Variants in MLF1 observed in about 807,000 individuals in gnomAD.
The protein encoded by MLF1 is myelodysplasia-myeloid leukemia factor 1.
A neutral mutation model predicts 38.3 loss-of-function variants in MLF1; 37 were observed. The ratio of observed to expected loss-of-function variants is 0.96; its 90% CI spans 0.74 to 1.27. The LOEUF (loss-of-function observed/expected upper bound fraction) is 1.27, where lower values mean the gene tolerates loss of function less well. Among genes scored for constraint, MLF1 ranks in the 50% most tolerant of loss-of-function variants. The pLI is 0.00. For synonymous variants in MLF1, 95 were observed against 106.5 expected, an observed-to-expected ratio of 0.89 and a Z score of 0.66; for missense variants, 331 against 349.2, an observed-to-expected ratio of 0.95 and a Z score of 0.42.
chr3:158,591,936 TAAC>T (rs1281952202), intron 1 of MLF1, among the ~76,000 whole-genome samples: 1 of 152,048 alleles, frequency 6.6e-6, no homozygotes, highest in Non-Finnish European at 1.5e-5. Context: ...CTTCTCAACT[TAAC>T]GATAAGATTA....
intron 6 of MLF1, 22 bp from the exon 7 acceptor site, chr3:158,602,785 A>G (rs1394320661): frequency 2.5e-6 from 4 of 1,610,810 alleles, no homozygotes; most frequent in East Asian, 2.2e-5. Context: ...ACTTATTCCC[A>G]TTATTTTTCT....
intron 1 of MLF1, among the ~76,000 whole-genome samples, chr3:158,590,524 A>T (rs1178319009): frequency 6.6e-6 from 1 of 152,254 alleles, no homozygotes; most frequent in Non-Finnish European, 1.5e-5. Flanking sequence ...CAGTTTTGTG[A>T]TTATGATACT....
chr3:158,604,226 T>C (rs1223555556), intron 7 of MLF1, among the ~76,000 whole-genome samples: 1 of 152,198 alleles, frequency 6.6e-6, no homozygotes, highest in African/African-American at 2.4e-5. Flanking sequence ...ATTTGAAAAA[T>C]GTATTGATTA....
chr3:158,590,991 A>C, intron 1 of MLF1: 1 of 422,734 alleles, frequency 2.4e-6, no homozygotes, highest in Non-Finnish European at 4.6e-6. Context: ...TTAACCTCCA[A>C]GGTAATGTGT....
At chr3:158,591,877 T>C (rs1718205255) in intron 1 of MLF1, among the ~76,000 whole-genome samples, 1 of 152,234 alleles carries the variant, frequency 6.6e-6, no homozygotes, top group Admixed American at 6.5e-5. Flanking sequence ...ATGAATTATA[T>C]TGGATAACAG....
intron 6 of MLF1, among the ~76,000 whole-genome samples, chr3:158,601,022 TATTA>T (rs1402940367): frequency 3.9e-5 from 6 of 151,976 alleles, no homozygotes; most frequent in South Asian, 4.1e-4. Context: ...TATTTAATTG[TATTA>T]ATTCAATAAT....
At chr3:158,604,949 C>A in intron 7 of MLF1, 148 bp from the exon 8 acceptor site, 4 of 623,362 alleles carry the variant, frequency 6.4e-6, no homozygotes, top group Non-Finnish European at 1.1e-5. Context: ...AGCCACCGCA[C>A]CTGGCCAGCC....
intron 1 of MLF1, among the ~76,000 whole-genome samples, chr3:158,582,450 C>T (rs758023638): frequency 1.1e-4 from 16 of 151,778 alleles, no homozygotes; most frequent in Non-Finnish European, 2.2e-4. Flanking sequence ...TAAGAATTAC[C>T]CCAAATTAAT....
intron 3 of MLF1, among the ~76,000 whole-genome samples, chr3:158,594,222 T>A (rs1230443727): frequency 6.6e-6 from 1 of 151,900 alleles, no homozygotes; most frequent in Non-Finnish European, 1.5e-5. Context: ...GGAGCACAGA[T>A]GGAAAAAAGC....
intron 3 of MLF1, 89 bp downstream of exon 3, chr3:158,593,515 A>T: frequency 6.9e-6 from 7 of 1,016,136 alleles, no homozygotes; most frequent in Non-Finnish European, 1.0e-5. Context: ...ATTGGCATGC[A>T]GCCTCACTTC....
At chr3:158,580,933 A>G (rs1168481429) in intron 1 of MLF1, among the ~76,000 whole-genome samples, 1 of 152,156 alleles carries the variant, frequency 6.6e-6, no homozygotes, top group African/African-American at 2.4e-5. Context: ...AGCTGACAGA[A>G]TGAAACTCTG....
intron 1 of MLF1, among the ~76,000 whole-genome samples, chr3:158,575,057 C>G (rs1370379123): frequency 6.6e-6 from 1 of 152,062 alleles, no homozygotes; most frequent in Non-Finnish European, 1.5e-5. Flanking sequence ...GCAATGAATT[C>G]AAGAGTCAGG....
chr3:158,605,565 G>C lies in MLF1; in HGVS notation c.*363G>C, dbSNP rs1720407795. 4.9e-6 allele frequency: 1 copy of C among 204,480 alleles called. No homozygotes were observed. The highest frequency in any genetic ancestry group is 1.0e-5 in the Non-Finnish European group (1 of 100,210). 12.7% of individuals were successfully genotyped at this position (204,480 alleles called of 1,614,324 possible). A position where few individuals can be genotyped will look rare whatever the true frequency, so the allele number is the denominator to read the frequency against. On this transcript the variant is annotated 3_prime_UTR_variant, in exon 8 of 8. Transcript: ENST00000466246. ...TTCTATCACTTATAATTAGTTATAAGAAATTATAATGTTAAAAAAGTCTCA... is the reference window on the plus strand; with the variant it reads ...TTCTATCACTTATAATTAGTTATAACAAATTATAATGTTAAAAAAGTCTCA...
intron 5 of MLF1, 130 bp downstream of exon 5, chr3:158,598,338 T>TG: frequency 1.0e-5 from 4 of 384,674 alleles, no homozygotes; most frequent in South Asian, 2.5e-5. Context: ...GTGTGGGGGT[T>TG]GGGGGTAAGG....
At chr3:158,601,806 C>CTTTTTT (rs1188640734) in intron 6 of MLF1, among the ~76,000 whole-genome samples, 14 of 96,014 alleles carry the variant, frequency 1.5e-4, no homozygotes, top group Non-Finnish European at 2.2e-4. Flanking sequence ...TAAAATTATT[C>CTTTTTT]TTTTTTTTTT....
chr3:158,583,096 C>T (rs1716667425), intron 1 of MLF1, among the ~76,000 whole-genome samples: 1 of 152,126 alleles, frequency 6.6e-6, no homozygotes, highest in South Asian at 2.1e-4. Context: ...TAAGTCTGCT[C>T]AGTAATTTCC....
rs56885799 is a variant in MLF1 at position 158,584,658 on chromosome 3, A to AGTGTGT, written c.48-7739_48-7734dup. ...AAGGATATTTAATCTCCATAAAGAA[A>AGTGTGT]GTGTGTGTGTGTGTGTGTGTGTGTG... On this transcript the variant is annotated intron_variant, in intron 1 of 7. Coordinates refer to ENST00000466246, the MANE Select transcript of MLF1 (RefSeq NM_001369783.1). 4.5e-3 allele frequency among the ~76,000 whole-genome samples: 602 copies of AGTGTGT among 134,356 alleles called. 2 individuals carry two copies. Among genetic ancestry groups the AGTGTGT allele is most frequent in the South Asian group, 8.1e-3 (32 of 3,944 alleles). The allele number at this position is 134,356 out of a possible 152,430, so 88.1% of individuals were successfully genotyped here. A position where few individuals can be genotyped will look rare whatever the true frequency, so the allele number is the denominator to read the frequency against.
chr3:158,598,870 A>G (rs1719302356), intron 5 of MLF1, among the ~76,000 whole-genome samples: 1 of 152,066 alleles, frequency 6.6e-6, no homozygotes, highest in Admixed American at 6.6e-5. Context: ...CGTTTCTGTC[A>G]TTAAAAAAAT....
chr3:158,592,475 TAAG>T lies in MLF1; in HGVS notation c.93_95del (p.Arg31del), dbSNP rs747631801. On this transcript the variant is annotated inframe_deletion, in exon 2 of 8. Coordinates refer to ENST00000466246, the MANE Select transcript of MLF1 (RefSeq NM_001369783.1). ...CACCGAGAAAATATGCGACAGATGA[TAAG>T]AAGTTTTTCTGAACCCTTTGGAAGA... 17 of 1,611,746 alleles carry T rather than the reference TAAG, an allele frequency of 1.1e-5. No homozygotes were observed. The South Asian group carries it at 1.3e-4, about 13-fold the overall frequency.
Sources: allele counts gnomAD v4.1 joint callset (sites outside exome capture counted in the v4.1 genomes callset), GRCh38; gene constraint gnomAD v4.1.1; transcripts MANE v1.5; gene names NCBI Gene and HGNC (gene_info 2026-07-23, HGNC 2026-07-21).